The following PLEKHF2 variants were observed in gnomAD, a reference collection of about 807,000 sequenced individuals.
PLEKHF2 encodes the protein pleckstrin homology and FYVE domain containing 2, also known as pleckstrin homology domain-containing family F member 2.
In PLEKHF2, 4 loss-of-function variants were observed where a neutral mutation model predicts 14.7. The ratio of observed to expected loss-of-function variants is 0.27; its 90% CI spans 0.13 to 0.62. The LOEUF (loss-of-function observed/expected upper bound fraction) is 0.62, where lower values mean the gene tolerates loss of function less well. PLEKHF2 is among the 20% of genes least tolerant of loss of function. The pLI, the probability that PLEKHF2 is intolerant of heterozygous loss-of-function variation, is 0.85. For missense variants in PLEKHF2, 201 were observed against 307.7 expected, an observed-to-expected ratio of 0.65 and a Z score of 2.60; for synonymous variants, 90 against 103.5, an observed-to-expected ratio of 0.87 and a Z score of 0.79.
intron 1 of PLEKHF2, among the ~76,000 whole-genome samples, chr8:95,149,317 G>A (rs1810533621): frequency 6.6e-6 from 1 of 151,978 alleles, no homozygotes; most frequent in East Asian, 1.9e-4. Context: ...GTTTTCCCCT[G>A]TATCTTGACA....
At chr8:95,148,551 A>T (rs1248316303) in intron 1 of PLEKHF2, among the ~76,000 whole-genome samples, 1 of 152,114 alleles carries the variant, frequency 6.6e-6, no homozygotes, top group Non-Finnish European at 1.5e-5. Context: ...TAGAATAGGT[A>T]AAAATTTAAT....
intron 1 of PLEKHF2, among the ~76,000 whole-genome samples, chr8:95,145,029 A>ATGTGTGGG (rs1225154680): frequency 3.3e-5 from 5 of 152,218 alleles, no homozygotes; most frequent in Non-Finnish European, 7.3e-5. Context: ...ATGTGCTATT[A>ATGTGTGGG]TGCACATGTG....
chr8:95,154,779 T>C lies in PLEKHF2; in HGVS notation c.735T>C (p.Asp245=), dbSNP rs1323181567. The change falls in exon 2 of 2, where the codon GAT becomes GAC. Residue 245 remains aspartate (D), a synonymous_variant. Coordinates refer to ENST00000315367, the MANE Select transcript of PLEKHF2 (RefSeq NM_024613.4). This position sits in a 1 kb window ranked among gnomAD's most constrained non-coding sequence, Gnocchi z 5.6. ...ATATGTCTGATGATGATGACGATGA[T>C]GATAGCAGTGACTAAGGACACATTT... The part of the protein sequence containing the change: ...LNDMSDDDDD[D]DSSD 6.2e-7 allele frequency: 1 copy of C among 1,613,742 alleles called. No individual in the cohort carries two copies. Among genetic ancestry groups the C allele is most frequent in the Non-Finnish European group, 8.5e-7 (1 of 1,179,660 alleles).
At chr8:95,145,621 T>A (rs1167305939) in intron 1 of PLEKHF2, among the ~76,000 whole-genome samples, 1 of 152,062 alleles carries the variant, frequency 6.6e-6, no homozygotes, top group Non-Finnish European at 1.5e-5. Context: ...AGACGGGGTT[T>A]CACCGTGTTA....
At chr8:95,147,302 C>G (rs1810509035) in intron 1 of PLEKHF2, among the ~76,000 whole-genome samples, 1 of 152,012 alleles carries the variant, frequency 6.6e-6, no homozygotes, top group South Asian at 2.1e-4. Context: ...TAAAATTAGA[C>G]TGTCTGGGGG....
intron 1 of PLEKHF2, among the ~76,000 whole-genome samples, chr8:95,140,618 G>T (rs1217863949): frequency 6.6e-6 from 1 of 152,086 alleles, no homozygotes; most frequent in Non-Finnish European, 1.5e-5. Context: ...CTCTCTGGGG[G>T]AATAGTCTTG....
chr8:95,144,298 C>T (rs1030349875), intron 1 of PLEKHF2, among the ~76,000 whole-genome samples: 3 of 152,132 alleles, frequency 2.0e-5, no homozygotes, highest in African/African-American at 7.2e-5. Flanking sequence ...TCAACTATGA[C>T]TTAGTTGTTT....
rs151301921 is a variant in PLEKHF2 at position 95,156,259 on chromosome 8, G to A, written c.*1465G>A. ...AAAAATCTTCAAATCTGAATATACC[G>A]CAAATGTCATGAGAAGTTTGATTCA... On this transcript the variant is annotated 3_prime_UTR_variant, in exon 2 of 2. Coordinates refer to ENST00000315367, the MANE Select transcript of PLEKHF2 (RefSeq NM_024613.4). 137 of 167,032 alleles carry A rather than the reference G, an allele frequency of 8.2e-4. No homozygotes were observed. Among genetic ancestry groups the A allele is most frequent in the Middle Eastern group, 3.4e-3 (1 of 296 alleles). 10.3% of individuals were successfully genotyped at this position (167,032 alleles called of 1,614,324 possible).
chr8:95,143,047 AT>A (rs574857204), intron 1 of PLEKHF2, among the ~76,000 whole-genome samples: 11 of 147,186 alleles, frequency 7.5e-5, no homozygotes, highest in African/African-American at 2.5e-4. Context: ...TTATGCAAGC[AT>A]TTTTTTTTAG....
rs10099012 is a variant in PLEKHF2, at chr8:95,156,512, A to T, written c.*1718A>T. 0.076 allele frequency: 12,745 copies of T among 167,056 alleles called. 686 individuals are homozygous for T. Among genetic ancestry groups the T allele is most frequent in the African/African-American group, 0.14 (5,829 of 41,520 alleles). The allele number at this position is 167,056 out of a possible 1,614,324, so 10.3% of individuals were successfully genotyped here. A position where few individuals can be genotyped will look rare whatever the true frequency, so the allele number is the denominator to read the frequency against. The stretch of plus-strand genomic sequence containing the variant: ...TTTGTTTCTAAGCAATATATACATA[A>T]AATCAACCAACATATCTGAAAAGGA... On this transcript the variant is annotated 3_prime_UTR_variant, in exon 2 of 2. Transcript: ENST00000315367.
intron 1 of PLEKHF2, among the ~76,000 whole-genome samples, chr8:95,151,792 T>C (rs1292289285): frequency 6.6e-6 from 1 of 152,076 alleles, no homozygotes; most frequent in African/African-American, 2.4e-5. Context: ...GTGGAATGCT[T>C]GAATATAATG....
At chr8:95,149,021 CA>C (rs575859215) in intron 1 of PLEKHF2, among the ~76,000 whole-genome samples, 219 of 148,236 alleles carry the variant, frequency 1.5e-3, no homozygotes, top group African/African-American at 3.9e-3. Context: ...ACTAGGAAAA[CA>C]AAAAAAAAGG....
At chr8:95,140,124 C>T (rs937637752) in intron 1 of PLEKHF2, among the ~76,000 whole-genome samples, 8 of 152,150 alleles carry the variant, frequency 5.3e-5, no homozygotes, top group Admixed American at 1.3e-4. Context: ...CTTGTGGATG[C>T]CCTGGAGGAC....
chr8:95,145,710 C>G lies in PLEKHF2; in HGVS notation c.-14-8321C>G, dbSNP rs1810492914. On this transcript the variant is annotated intron_variant, in intron 1 of 1. Coordinates refer to ENST00000315367, the MANE Select transcript of PLEKHF2 (RefSeq NM_024613.4). ...AAGTGCTGGGATTACAGGCGTGAGC[C>G]ACTGCGCCTGGCCAAGTATTTCTTT... Among the ~76,000 whole-genome samples, 3 of 152,284 alleles carry G rather than the reference C, an allele frequency of 2.0e-5. 1 individual carries two copies. The South Asian group carries it at 6.2e-4, about 32-fold the overall frequency.
intron 1 of PLEKHF2, among the ~76,000 whole-genome samples, chr8:95,147,508 T>C (rs1810512347): frequency 6.6e-6 from 1 of 152,064 alleles, no homozygotes; most frequent in Non-Finnish European, 1.5e-5. Flanking sequence ...AAACTCATTC[T>C]AGTGTGCAGT....
chr8:95,153,947 G>A, intron 1 of PLEKHF2, 84 bp from the exon 2 acceptor site: 3 of 1,108,548 alleles, frequency 2.7e-6, no homozygotes, highest in Non-Finnish European at 3.6e-6. Flanking sequence ...TAAAAGCAAT[G>A]ATTTGTTAGC....
rs1330618097 is a variant in PLEKHF2 at position 95,156,319 on chromosome 8, T to C, written c.*1525T>C. 6.0e-6 allele frequency: 1 copy of C among 167,028 alleles called. No individual in the cohort carries two copies. The highest frequency in any genetic ancestry group is 1.5e-5 in the Non-Finnish European group (1 of 68,106). 10.3% of individuals were successfully genotyped at this position (167,028 alleles called of 1,614,324 possible). On this transcript the variant is annotated 3_prime_UTR_variant, in exon 2 of 2. Coordinates refer to ENST00000315367, the MANE Select transcript of PLEKHF2 (RefSeq NM_024613.4). ...GATGGAGGATTCTTTGGTATCTTAC[T>C]GTTTGGTTAAGGCACTAATTTTACT...
chr8:95,152,369 A>AG (rs1810572824), intron 1 of PLEKHF2, among the ~76,000 whole-genome samples: 1 of 152,100 alleles, frequency 6.6e-6, no homozygotes, highest in South Asian at 2.1e-4. Flanking sequence ...AGATTGGTGA[A>AG]TACACATATT....
intron 1 of PLEKHF2, among the ~76,000 whole-genome samples, chr8:95,135,309 C>T (rs1033265069): frequency 3.3e-5 from 5 of 152,186 alleles, no homozygotes; most frequent in Non-Finnish European, 7.3e-5. Flanking sequence ...CCTAAAACCC[C>T]AAATTCTTGG....
Sources: gnomAD v4.1 joint callset for allele counts (sites outside exome capture counted in the v4.1 genomes callset) on GRCh38, gnomAD v4.1.1 for gene constraint, Gnocchi (gnomAD v3.1) non-coding constraint, MANE v1.5 for transcripts, NCBI Gene and HGNC (gene_info 2026-07-23, HGNC 2026-07-21) for gene names.